Variants in PCDHGA1 observed in about 807,000 individuals in gnomAD.
The protein encoded by PCDHGA1 is protocadherin gamma-A1.
In PCDHGA1, 32 loss-of-function variants were observed where a neutral mutation model predicts 58.0. The observed-to-expected ratio is 0.55, with a 90% CI of 0.42 to 0.74. The LOEUF is 0.74. PCDHGA1 is among the 30% of genes least tolerant of loss of function. The pLI is 0.00. For synonymous variants in PCDHGA1, 498 were observed against 501.1 expected (o/e 0.99, Z 0.08); for missense variants, 1,205 against 1,182.3 (o/e 1.02, Z -0.28).
chr5:141,386,419 G>T (rs952384075), intron 1 of PCDHGA1, among the ~76,000 whole-genome samples: 1 of 152,112 alleles, frequency 6.6e-6, no homozygotes, highest in African/African-American at 2.4e-5. Flanking sequence ...GTTGCAAGCT[G>T]TAGCCCACCT....
At chr5:141,421,619 C>G in intron 1 of PCDHGA1, 1 of 1,613,694 alleles carries the variant, frequency 6.2e-7, no homozygotes, top group Non-Finnish European at 8.5e-7. Flanking sequence ...AATGATAACG[C>G]CCCCAGCTTC....
Position 141,375,974 on chromosome 5 carries a change from G to A in PCDHGA1, c.2421+42869G>A, listed in dbSNP as rs181747779. Reference sequence around the variant, plus strand: ...CACGGGCGAGGTGCGCACGGCGCGCGCCCTGCTGGACAGAGACGCGCTCAA... The same window carrying A: ...CACGGGCGAGGTGCGCACGGCGCGCACCCTGCTGGACAGAGACGCGCTCAA... On this transcript the variant is annotated intron_variant, in intron 1 of 3. Transcript: ENST00000517417. 26 of 1,613,354 alleles carry A rather than the reference G, an allele frequency of 1.6e-5. No individual in the cohort carries two copies. The South Asian group carries it at 2.0e-4, about 12-fold the overall frequency.
At chr5:141,504,147 T>C (rs2099836026) in intron 2 of PCDHGA1, among the ~76,000 whole-genome samples, 1 of 152,198 alleles carries the variant, frequency 6.6e-6, no homozygotes, top group South Asian at 2.1e-4. Flanking sequence ...CCCCTGCAAA[T>C]TGAAATAATT....
intron 1 of PCDHGA1, chr5:141,423,829 A>G: frequency 7.9e-7 from 1 of 1,268,964 alleles, no homozygotes; most frequent in Non-Finnish European, 9.9e-7. Flanking sequence ...GCCTTTCATG[A>G]GATTACGATA....
rs2149715776 is a variant in PCDHGA1 at position 141,334,656 on chromosome 5, T to C, written c.2421+1551T>C. On this transcript the variant is annotated intron_variant, in intron 1 of 3. Transcript: ENST00000517417. The surrounding 1 kb of genome is among the most constrained non-coding windows in gnomAD (Gnocchi z 4.6). Reference sequence around the variant, plus strand: ...GTTTCCCAATTCCGGTGGTTATAACTTTCTTCGTAAGCTGTGTAGACCAAG... The same window carrying C: ...GTTTCCCAATTCCGGTGGTTATAACCTTCTTCGTAAGCTGTGTAGACCAAG... 1 of 152,312 alleles carries C rather than the reference T, an allele frequency of 6.6e-6. No homozygotes were observed. Among genetic ancestry groups the C allele is most frequent in the African/African-American group, 2.4e-5 (1 of 41,566 alleles). The allele number at this position is 152,312 out of a possible 1,614,324, so 9.4% of individuals were successfully genotyped here. A position where few individuals can be genotyped will look rare whatever the true frequency, so the allele number is the denominator to read the frequency against.
rs375476706 is a variant in PCDHGA1, at chr5:141,351,961, C to T, written c.2421+18856C>T. ...TGTACCCCGCGCTGGGGCCTGATGG[C>T]TCCGCCCTCTTCGATATGGTGCCAC... is the stretch of plus-strand genomic sequence containing the variant. On this transcript the variant is annotated intron_variant, in intron 1 of 3. Transcript: ENST00000517417. The T allele has an allele frequency of 5.8e-4, 931 of 1,612,866 alleles. 2 individuals are homozygous for T. Among genetic ancestry groups the T allele is most frequent in the Middle Eastern group, 2.9e-3 (17 of 5,916 alleles).
chr5:141,427,319 G>T (rs1184530487), intron 1 of PCDHGA1: 4 of 456,958 alleles, frequency 8.8e-6, no homozygotes, highest in African/African-American at 8.0e-5. Flanking sequence ...CCCCAGACGT[G>T]GTTTTTACTT....
intron 1 of PCDHGA1, among the ~76,000 whole-genome samples, chr5:141,453,710 A>C (rs988115758): frequency 3.9e-5 from 6 of 152,242 alleles, no homozygotes; most frequent in African/African-American, 1.4e-4. Context: ...GAACAGTTTC[A>C]CTATAAAAAT....
At chr5:141,504,113 C>A (rs568207803) in intron 2 of PCDHGA1, among the ~76,000 whole-genome samples, 1 of 152,220 alleles carries the variant, frequency 6.6e-6, no homozygotes, top group Non-Finnish European at 1.5e-5. Flanking sequence ...TGTGTGTGTG[C>A]CAGGGCTGTT....
At position 141,487,855 on chromosome 5, in the gene PCDHGA1, A is replaced by G. The variant is rs1033833406; in HGVS notation, c.2422-6952A>G. The G allele has an allele frequency of 2.1e-6, 2 of 974,092 alleles. No homozygotes were observed. Among genetic ancestry groups the G allele is most frequent in the Non-Finnish European group, 3.0e-6 (2 of 668,870 alleles). The allele number at this position is 974,092 out of a possible 1,614,324, so 60.3% of individuals were successfully genotyped here. Reference sequence around the variant, plus strand: ...TATATCTGAGTAAGAAATGAAAGTAATTGGTGATCAAGAGCCAGGCTGTTG... The same window carrying G: ...TATATCTGAGTAAGAAATGAAAGTAGTTGGTGATCAAGAGCCAGGCTGTTG... On this transcript the variant is annotated intron_variant, in intron 1 of 3. Transcript: ENST00000517417. The surrounding 1 kb of genome is among the most constrained non-coding windows in gnomAD (Gnocchi z 5.0).
chr5:141,417,682 AAAAG>A (rs2096147308), intron 1 of PCDHGA1: 2 of 1,035,494 alleles, frequency 1.9e-6, no homozygotes, highest in Non-Finnish European at 2.7e-6. Context: ...CCAACAACAG[AAAAG>A]AAAACCAGCT....
At chr5:141,452,281 T>C (rs948141174) in intron 1 of PCDHGA1, among the ~76,000 whole-genome samples, 1 of 152,232 alleles carries the variant, frequency 6.6e-6, no homozygotes, top group African/African-American at 2.4e-5. Flanking sequence ...CCTTTCTTAC[T>C]TTCTGATATA....
intron 2 of PCDHGA1, among the ~76,000 whole-genome samples, chr5:141,500,329 C>G (rs1384834356): frequency 6.6e-6 from 1 of 151,986 alleles, no homozygotes; most frequent in Non-Finnish European, 1.5e-5. Flanking sequence ...CTGCCTCAGC[C>G]TCCAGAATAG....
chr5:141,463,125 G>A (rs2099053159), intron 1 of PCDHGA1, among the ~76,000 whole-genome samples: 3 of 152,192 alleles, frequency 2.0e-5, no homozygotes, highest in East Asian at 1.9e-4. Context: ...ATAGCTCCCT[G>A]GCAGTTCTTC....
intron 1 of PCDHGA1, chr5:141,345,268 G>T (rs759071710): frequency 1.2e-5 from 19 of 1,613,786 alleles, no homozygotes; most frequent in Non-Finnish European, 8.5e-6. Flanking sequence ...TCCCTGGACC[G>T]CGAACAAATA....
intron 1 of PCDHGA1, chr5:141,414,139 G>T: frequency 6.3e-7 from 1 of 1,596,506 alleles, no homozygotes; most frequent in Non-Finnish European, 8.5e-7. Flanking sequence ...CTATGAAATA[G>T]AAATACAAGC....
At chr5:141,405,667 G>A (rs911046478) in intron 1 of PCDHGA1, among the ~76,000 whole-genome samples, 10 of 152,044 alleles carry the variant, frequency 6.6e-5, no homozygotes, top group Non-Finnish European at 7.4e-5. Flanking sequence ...TAGTAGAGAC[G>A]GGGTGTCACC....
At chr5:141,338,762 T>C (rs1756775336) in intron 1 of PCDHGA1, 18 of 1,247,870 alleles carry the variant, frequency 1.4e-5, no homozygotes, top group South Asian at 3.3e-5. Flanking sequence ...AGACATCCAA[T>C]CCAGCAATAC....
At position 141,330,534 on chromosome 5, in the gene PCDHGA1, T is replaced by C. The variant is rs1756314363; in HGVS notation, c.-151T>C. The C allele has an allele frequency of 1.3e-6, 1 of 766,660 alleles. No homozygotes were observed. The highest frequency in any genetic ancestry group is 1.8e-5 in the African/African-American group (1 of 57,120). The allele number at this position is 766,660 out of a possible 1,614,324, so 47.5% of individuals were successfully genotyped here. A position where few individuals can be genotyped will look rare whatever the true frequency, so the allele number is the denominator to read the frequency against. The stretch of plus-strand genomic sequence containing the variant: ...TCTTAGAACCTCCATAACCGCCAGA[T>C]TGAAAACTGACTGTCCAAGACTGCC... On this transcript the variant is annotated 5_prime_UTR_variant, in exon 1 of 4. Coordinates refer to ENST00000517417, the MANE Select transcript of PCDHGA1 (RefSeq NM_018912.3).
Sources: gnomAD v4.1 joint callset for allele counts (sites outside exome capture counted in the v4.1 genomes callset) on GRCh38, gnomAD v4.1.1 for gene constraint, Gnocchi (gnomAD v3.1) non-coding constraint, MANE v1.5 for transcripts, NCBI Gene and HGNC (gene_info 2026-07-23, HGNC 2026-07-21) for gene names.